AEBP2: variants seen among roughly 807,000 people sequenced by gnomAD.
The protein encoded by AEBP2 is zinc finger protein AEBP2.
A neutral mutation model predicts 50.8 loss-of-function variants in AEBP2; 10 were observed. That is an observed-to-expected ratio of 0.20 (90% CI 0.12 to 0.33). The LOEUF (loss-of-function observed/expected upper bound fraction) is 0.33, where lower values mean the gene tolerates loss of function less well. Ranked by LOEUF, AEBP2 falls within the 10% of genes least tolerant of loss-of-function variation. The pLI is 1.00. For synonymous variants in AEBP2, 296 were observed against 261.3 expected (o/e 1.13, Z -1.28); for missense variants, 570 against 688.0 (o/e 0.83, Z 1.92).
chr12:19,519,009 AT>A lies in AEBP2; in HGVS notation c.*900del, dbSNP rs921882731. On this transcript the variant is annotated 3_prime_UTR_variant, in exon 8 of 8. Coordinates refer to ENST00000266508, the MANE Select transcript of AEBP2 (RefSeq NM_153207.5). ...TTTTTCTTAATGTAAGAAAAATTGT[AT>A]TTTTTTTACAAGTATCTTCAAACTG... 17 of 196,312 alleles carry A rather than the reference AT, an allele frequency of 8.7e-5. No individual in the cohort carries two copies. Among genetic ancestry groups the A allele is most frequent in the East Asian group, 2.2e-4 (2 of 8,998 alleles). 12.2% of individuals were successfully genotyped at this position (196,312 alleles called of 1,614,324 possible).
intron 5 of AEBP2, among the ~76,000 whole-genome samples, chr12:19,505,438 C>T (rs1364014405): frequency 6.6e-6 from 1 of 152,126 alleles, no homozygotes; most frequent in Admixed American, 6.6e-5. Context: ...ACAAAAAATA[C>T]CATGCAGCTA....
chr12:19,497,622 A>G (rs1646005147), intron 4 of AEBP2, among the ~76,000 whole-genome samples: 1 of 152,000 alleles, frequency 6.6e-6, no homozygotes, highest in Non-Finnish European at 1.5e-5. Flanking sequence ...ACCGGCACAC[A>G]CTACCATGCC....
intron 1 of AEBP2, chr12:19,413,382 C>A: frequency 9.6e-7 from 1 of 1,038,538 alleles, no homozygotes; most frequent in Non-Finnish European, 1.5e-6. Flanking sequence ...AAAAAGTAAG[C>A]CAACAAACAG....
At chr12:19,425,315 G>C (rs1189987237) in intron 1 of AEBP2, among the ~76,000 whole-genome samples, 4 of 152,194 alleles carry the variant, frequency 2.6e-5, no homozygotes, top group Non-Finnish European at 4.4e-5. Flanking sequence ...ATAACATCAT[G>C]CTAGCTGGTA....
chr12:19,473,129 G>T, intron 2 of AEBP2, 119 bp from the exon 3 acceptor site: 1 of 387,444 alleles, frequency 2.6e-6, no homozygotes. Context: ...TGATTGGCTT[G>T]TACATTCAGT....
At chr12:19,516,166 A>G (rs1250253937) in intron 7 of AEBP2, among the ~76,000 whole-genome samples, 1 of 152,226 alleles carries the variant, frequency 6.6e-6, no homozygotes. Flanking sequence ...GGAATGAACT[A>G]GATCATCAAG....
intron 7 of AEBP2, 109 bp downstream of exon 7, chr12:19,514,893 A>G (rs2120622828): frequency 1.3e-6 from 1 of 755,454 alleles, no homozygotes; most frequent in Non-Finnish European, 2.2e-6. Context: ...AATACCAAGC[A>G]TATCTCATTA....
intron 4 of AEBP2, among the ~76,000 whole-genome samples, chr12:19,499,627 A>C (rs1253688740): frequency 6.6e-6 from 1 of 151,982 alleles, no homozygotes; most frequent in Non-Finnish European, 1.5e-5. Context: ...AAAAAAAAAA[A>C]AAAAACCTCA....
In AEBP2 at chr12:19,422,162, C is replaced by G. The variant is rs184199311; in HGVS notation, c.-17+17946C>G. 8.5e-5 allele frequency among the ~76,000 whole-genome samples: 13 copies of G among 152,130 alleles called. No individual in the cohort carries two copies. In the East Asian group the frequency reaches 2.5e-3, roughly 29 times the overall value. On this transcript the variant is annotated intron_variant, in intron 1 of 3. Coordinates refer to the AEBP2 transcript ENST00000538425. ...GGGTGGAGGGGGGAGGGGAAAGAAA[C>G]TTTATAAAACCAGTATGTCATACTT... is the stretch of plus-strand genomic sequence containing the variant.
chr12:19,424,253 C>T lies in AEBP2; in HGVS notation c.-17+20037C>T, dbSNP rs73335396. ...AGAGGGGAAAACGTGGCAAAGCATG[C>T]AACACAGAAAAGACTTGATCATGCT... On this transcript the variant is annotated intron_variant, in intron 1 of 3. Coordinates refer to the AEBP2 transcript ENST00000538425. Among the ~76,000 whole-genome samples the T allele has an allele frequency of 5.3e-3, 804 of 152,070 alleles. 6 individuals are homozygous for T. Among genetic ancestry groups the T allele is most frequent in the African/African-American group, 0.015 (630 of 41,492 alleles).
intron 5 of AEBP2, among the ~76,000 whole-genome samples, chr12:19,503,457 G>C (rs1401291828): frequency 6.6e-6 from 1 of 151,912 alleles, no homozygotes; most frequent in African/African-American, 2.4e-5. Context: ...GATTTTTTTT[G>C]TATCCTGAGA....
At chr12:19,471,601 AAGCAATC>A (rs1948574646) in intron 2 of AEBP2, among the ~76,000 whole-genome samples, 4 of 151,648 alleles carry the variant, frequency 2.6e-5, no homozygotes, top group Admixed American at 1.3e-4. Context: ...TCTTGGACTT[AAGCAATC>A]ATCCTGCCTC....
intron 1 of AEBP2, among the ~76,000 whole-genome samples, chr12:19,433,453 G>A (rs2153365339): frequency 6.6e-6 from 1 of 152,098 alleles, no homozygotes; most frequent in East Asian, 1.9e-4. Flanking sequence ...AATTCCCAGT[G>A]TAATAAAATA....
rs551688885 is a variant in AEBP2, at chr12:19,447,121, G to T, written c.671+6751G>T. 1.3e-4 allele frequency among the ~76,000 whole-genome samples: 20 copies of T among 152,290 alleles called. No homozygotes were observed. In the South Asian group the frequency reaches 2.7e-3, roughly 21 times the overall value. Reference sequence around the variant, plus strand: ...CAGGAGACTTCCTGCCAACATCTAAGGATGCGCCACTGGACCTGGGAAGTA... The same window carrying T: ...CAGGAGACTTCCTGCCAACATCTAATGATGCGCCACTGGACCTGGGAAGTA... On this transcript the variant is annotated intron_variant, in intron 1 of 7. Transcript: ENST00000266508.
chr12:19,432,389 G>C (rs1038417768), intron 1 of AEBP2, among the ~76,000 whole-genome samples: 4 of 152,180 alleles, frequency 2.6e-5, no homozygotes, highest in African/African-American at 9.7e-5. Context: ...GACTTTGGCT[G>C]TTTTGTTTGT....
chr12:19,414,913 A>G (rs2095741402), intron 1 of AEBP2, among the ~76,000 whole-genome samples: 1 of 142,678 alleles, frequency 7.0e-6, no homozygotes, highest in African/African-American at 2.6e-5. Context: ...ACAGAATAAG[A>G]TTCTATCTCC....
At chr12:19,489,722 C>T (rs993070229) in intron 3 of AEBP2, among the ~76,000 whole-genome samples, 1 of 151,980 alleles carries the variant, frequency 6.6e-6, no homozygotes, top group African/African-American at 2.4e-5. Context: ...TTTGTCTCTG[C>T]CTCATATTCT....
chr12:19,459,263 G>T (rs998710407), intron 1 of AEBP2, among the ~76,000 whole-genome samples: 1 of 151,500 alleles, frequency 6.6e-6, no homozygotes, highest in Admixed American at 6.6e-5. Context: ...ACAGAGTCTC[G>T]CTCTGTTGCC....
At chr12:19,507,279 G>A (rs1337371886) in intron 5 of AEBP2, among the ~76,000 whole-genome samples, 1 of 152,178 alleles carries the variant, frequency 6.6e-6, no homozygotes, top group African/African-American at 2.4e-5. Flanking sequence ...CTACAGATAA[G>A]GGAGAAGTGA....
Sources: allele counts gnomAD v4.1 joint callset (sites outside exome capture counted in the v4.1 genomes callset), GRCh38; gene constraint gnomAD v4.1.1; transcripts MANE v1.5; gene names NCBI Gene and HGNC (gene_info 2026-07-23, HGNC 2026-07-21).